FREM1: variants seen among roughly 807,000 people sequenced by gnomAD.
The protein encoded by FREM1 is FRAS1 related extracellular matrix 1, also known as FRAS1-related extracellular matrix protein 1.
A neutral mutation model predicts 210.1 loss-of-function variants in FREM1; 220 were observed. The observed-to-expected ratio is 1.05, with a 90% CI of 0.94 to 1.17. FREM1 has a LOEUF of 1.17. FREM1 is among the 50% of genes most tolerant of loss of function. FREM1 has a pLI of 0.00. For synonymous variants in FREM1, 1,189 were observed against 980.2 expected (o/e 1.21, Z -3.98); for missense variants, 3,454 against 2,675.5 (o/e 1.29, Z -6.42).
chr9:14,801,703 G>A lies in FREM1; in HGVS notation c.3643C>T (p.His1215Tyr), dbSNP rs756967020. 1.2e-6 allele frequency: 2 copies of A among 1,614,016 alleles called. No homozygotes were observed. Among genetic ancestry groups the A allele is most frequent in the Non-Finnish European group, 1.7e-6 (2 of 1,179,868 alleles). ...CTGTGAACAGGTGCATGTTTCTGGT[G>A]AGGGTTGGCTGGCTGCTTATTCTCA... is the stretch of plus-strand genomic sequence containing the variant. ...FSENKQPANP[H>Y]QKHAPVHSFS... Residue 1215 changes from histidine to tyrosine, a missense_variant, in exon 20 of 37, where the codon CAC (histidine) becomes TAC (tyrosine). Coordinates refer to ENST00000380880, the MANE Select transcript of FREM1 (RefSeq NM_001379081.2).
chr9:14,745,488 G>C (rs920529330), intron 35 of FREM1, among the ~76,000 whole-genome samples: 4 of 152,094 alleles, frequency 2.6e-5, no homozygotes, highest in African/African-American at 9.7e-5. Context: ...TCATTGATTT[G>C]TTGAAGTTGT....
intron 1 of FREM1, among the ~76,000 whole-genome samples, chr9:14,880,507 G>C (rs931503202): frequency 3.3e-5 from 5 of 151,602 alleles, no homozygotes; most frequent in African/African-American, 1.2e-4. Context: ...AGGAAACTGA[G>C]GCAGGAGAAT....
rs116781666 is a variant in FREM1, at chr9:14,849,660, G to T, written c.1153-887C>A. 7.1e-3 allele frequency among the ~76,000 whole-genome samples: 1,081 copies of T among 152,332 alleles called. 16 individuals carry two copies. The highest frequency in any genetic ancestry group is 0.023 in the African/African-American group (969 of 41,572). Reference sequence around the variant, plus strand: ...ACAGACTGAACAGGAAACTACATGGGCAGGAGGTGTCTTTTTTGGAGGGGT... The same window carrying T: ...ACAGACTGAACAGGAAACTACATGGTCAGGAGGTGTCTTTTTTGGAGGGGT... On this transcript the variant is annotated intron_variant, in intron 6 of 36. Transcript: ENST00000380880.
Position 14,868,728 on chromosome 9 carries a change from C to T in FREM1, c.234+16G>A, listed in dbSNP as rs568618164. On this transcript the variant is annotated intron_variant, in intron 2 of 36. Coordinates refer to ENST00000380880, the MANE Select transcript of FREM1 (RefSeq NM_001379081.2). ...TCATACACACGACTGAACAGAAAAT[C>T]GCAGATAGGACCTACCTGTGGAGTG... 3.3e-6 allele frequency: 5 copies of T among 1,523,386 alleles called. No individual in the cohort carries two copies. Among genetic ancestry groups the T allele is most frequent in the Admixed American group, 1.8e-5 (1 of 57,040 alleles). 94.4% of individuals were successfully genotyped at this position (1,523,386 alleles called of 1,614,324 possible).
chr9:14,768,011 G>C (rs957669338), intron 27 of FREM1, among the ~76,000 whole-genome samples: 2 of 152,098 alleles, frequency 1.3e-5, no homozygotes, highest in Non-Finnish European at 2.9e-5. Context: ...ATTAAATTAA[G>C]CAAATTTTGC....
chr9:14,846,776 G>A (rs760428874), intron 7 of FREM1, among the ~76,000 whole-genome samples: 9 of 152,156 alleles, frequency 5.9e-5, no homozygotes, highest in Non-Finnish European at 1.0e-4. Flanking sequence ...GCAAGGTAGC[G>A]TGCTGCTGGA....
At chr9:14,867,260 C>G (rs1831700782) in intron 2 of FREM1, among the ~76,000 whole-genome samples, 1 of 152,152 alleles carries the variant, frequency 6.6e-6, no homozygotes, top group Non-Finnish European at 1.5e-5. Flanking sequence ...CATTGGGGTT[C>G]TAGTATGAGC....
intron 16 of FREM1, among the ~76,000 whole-genome samples, chr9:14,812,509 T>A (rs1247316939): frequency 6.6e-6 from 1 of 152,190 alleles, no homozygotes; most frequent in Non-Finnish European, 1.5e-5. Flanking sequence ...CCAACTACGA[T>A]GATCAAACTG....
intron 16 of FREM1, among the ~76,000 whole-genome samples, chr9:14,811,237 G>A (rs566610109): frequency 8.9e-5 from 13 of 146,548 alleles, no homozygotes; most frequent in African/African-American, 3.2e-4. Context: ...GTCCTACTGG[G>A]TTTTATTTTA....
At chr9:14,855,262 A>G (rs1333564381) in intron 5 of FREM1, among the ~76,000 whole-genome samples, 3 of 152,146 alleles carry the variant, frequency 2.0e-5, no homozygotes, top group African/African-American at 7.2e-5. Flanking sequence ...ATATCCTTAT[A>G]TACAATAGAA....
intron 1 of FREM1, among the ~76,000 whole-genome samples, chr9:14,884,760 T>C (rs576157063): frequency 1.3e-5 from 2 of 152,204 alleles, no homozygotes; most frequent in African/African-American, 4.8e-5. Context: ...CAATGGAAAT[T>C]CTTAACGGTC....
intron 1 of FREM1, among the ~76,000 whole-genome samples, chr9:14,903,668 T>C (rs78540465): frequency 0.014 from 2,059 of 152,308 alleles, 62 homozygotes; most frequent in African/African-American, 0.047. Context: ...TATATGCCTA[T>C]GTGTTTTGAA....
chr9:14,769,797 A>T lies in FREM1; in HGVS notation c.5131T>A (p.Ser1711Thr), dbSNP rs758153389. 1 of 1,610,634 alleles carries T rather than the reference A, an allele frequency of 6.2e-7. No homozygotes were observed. Among genetic ancestry groups the T allele is most frequent in the South Asian group, 1.1e-5 (1 of 90,936 alleles). Reference sequence around the variant, plus strand: ...ACGGTATCTGAATTTACTTCCAAAGATGGGTTTATGATGTAAAGAATAGTC... The same window carrying T: ...ACGGTATCTGAATTTACTTCCAAAGTTGGGTTTATGATGTAAAGAATAGTC... ...SKTILYIINP[S>T]LEVNSDTVEF... Residue 1711 changes from serine to threonine, a missense_variant, in exon 27 of 37, where the codon TCT (serine) becomes ACT (threonine). Physicochemically the swap from Ser to Thr is moderately conservative, Grantham distance 58. Coordinates refer to ENST00000380880, the MANE Select transcript of FREM1 (RefSeq NM_001379081.2).
At chr9:14,742,667 T>C (rs1841780094) in intron 35 of FREM1, among the ~76,000 whole-genome samples, 1 of 152,184 alleles carries the variant, frequency 6.6e-6, no homozygotes, top group Admixed American at 6.5e-5. Context: ...AACTAGGAAT[T>C]TGATCATACC....
chr9:14,746,584 G>A lies in FREM1; in HGVS notation c.6139-116C>T, dbSNP rs999312664. The A allele has an allele frequency of 3.8e-6, 3 of 784,060 alleles. No individual in the cohort carries two copies. In the African/African-American group the frequency reaches 5.1e-5, roughly 13 times the overall value. 48.6% of individuals were successfully genotyped at this position (784,060 alleles called of 1,614,324 possible). A position where few individuals can be genotyped will look rare whatever the true frequency, so the allele number is the denominator to read the frequency against. On this transcript the variant is annotated intron_variant, in intron 34 of 36. Transcript: ENST00000380880. ...AGTCAAGTAGTTTGGTTACCACAAA[G>A]GGAGTCAGCCCTAATCCCAATTCTC... is the stretch of plus-strand genomic sequence containing the variant.
chr9:14,859,596 T>C (rs975862457), intron 3 of FREM1, 112 bp from the exon 4 acceptor site: 4 of 861,338 alleles, frequency 4.6e-6, no homozygotes, highest in Admixed American at 2.4e-5. Context: ...GTGCCACAGA[T>C]TGAGTTTGGA....
chr9:14,787,656 T>A (rs949217780), intron 23 of FREM1, among the ~76,000 whole-genome samples: 1 of 152,146 alleles, frequency 6.6e-6, no homozygotes, highest in East Asian at 1.9e-4. Flanking sequence ...TAAGGGAATG[T>A]CTAGATATAA....
intron 1 of FREM1, among the ~76,000 whole-genome samples, chr9:14,876,560 A>C (rs1480776447): frequency 6.6e-6 from 1 of 152,108 alleles, no homozygotes; most frequent in Admixed American, 6.5e-5. Context: ...GGAGTGACCC[A>C]ATCTTCCAGG....
chr9:14,869,082 G>GTTTTTTAA lies in FREM1; in HGVS notation c.-106_-105insTTAAAAAA. On this transcript the variant is annotated 5_prime_UTR_variant, in exon 2 of 37. The change abolishes the stop of an existing upstream ORF in the 5' untranslated region. Coordinates refer to ENST00000380880, the MANE Select transcript of FREM1 (RefSeq NM_001379081.2). ...GTCAGCTCATAGTCCAAGGGGCAGG[G>GTTTTTTAA]TGAGGGGTCCTGACAATGTGCCCCG... The GTTTTTTAA allele has an allele frequency of 1.4e-6, 1 of 707,316 alleles. No homozygotes were observed. The highest frequency in any genetic ancestry group is 2.1e-5 in the South Asian group (1 of 48,574). 43.8% of individuals were successfully genotyped at this position (707,316 alleles called of 1,614,324 possible). A position where few individuals can be genotyped will look rare whatever the true frequency, so the allele number is the denominator to read the frequency against.
Sources: allele counts gnomAD v4.1 joint callset (sites outside exome capture counted in the v4.1 genomes callset), GRCh38; gene constraint gnomAD v4.1.1; transcripts MANE v1.5; gene names NCBI Gene and HGNC (gene_info 2026-07-23, HGNC 2026-07-21).